The following XPR1 variants were observed in gnomAD, a reference collection of about 807,000 sequenced individuals.
XPR1 encodes xenotropic and polytropic retrovirus receptor 1.
Under a neutral mutation model 87.5 loss-of-function variants are expected in XPR1, and 28 were observed. The observed-to-expected ratio is 0.32, with a 90% confidence interval of 0.24 to 0.44. XPR1 has a LOEUF of 0.44. XPR1 is among the 20% of genes least tolerant of loss of function. The probability of loss-of-function intolerance (pLI) is 1.00; values close to 1 mark genes in which losing one functional copy is unlikely to be tolerated. For synonymous variants in XPR1, 300 were observed against 306.1 expected (o/e 0.98, Z 0.21); for missense variants, 559 against 862.3 (o/e 0.65, Z 4.41).
In XPR1 at chr1:180,656,513, TATATAATATTTATATA is replaced by T. The variant is rs1162913440; in HGVS notation, c.69+24244_69+24259del. ...ATTTATATATTATATATAATATTTA[TATATAATATTTATATA>T]TTATATATAATATTTATATATTTAT... is the stretch of plus-strand genomic sequence containing the variant. On this transcript the variant is annotated intron_variant, in intron 1 of 14. Transcript: ENST00000367590. 4.4e-3 allele frequency among the ~76,000 whole-genome samples: 377 copies of T among 85,902 alleles called. 38 individuals carry two copies. The highest frequency in any genetic ancestry group is 0.019 in the African/African-American group (368 of 19,480). The allele number at this position is 85,902 out of a possible 152,430, so 56.4% of individuals were successfully genotyped here.
Position 180,880,109 on chromosome 1 carries a change from T to C in XPR1, c.1842T>C (p.Asn614=). Residue 614 remains asparagine, a synonymous_variant, in exon 14 of 15, where the codon AAT becomes AAC. Coordinates refer to ENST00000367590, the MANE Select transcript of XPR1 (RefSeq NM_004736.4). ...RFVWNFFRLE[N]EHLNNCGEFR... is the part of the protein sequence containing the mutation. ...TGTGGAACTTCTTCCGCCTGGAGAA[T>C]GAACATCTGAATAACTGTGGTGAAT... The C allele has an allele frequency of 6.2e-7, 1 of 1,614,196 alleles. No homozygotes were observed.
chr1:180,754,752 G>A (rs1456091670), intron 2 of XPR1, among the ~76,000 whole-genome samples: 2 of 152,034 alleles, frequency 1.3e-5, no homozygotes, highest in Admixed American at 6.6e-5. Flanking sequence ...GTGAGCCATC[G>A]GGCCCGGCCT....
intron 2 of XPR1, among the ~76,000 whole-genome samples, chr1:180,758,090 CAT>C (rs1647827266): frequency 7.0e-6 from 1 of 143,082 alleles, no homozygotes; most frequent in African/African-American, 2.6e-5. Flanking sequence ...TATATGTATA[CAT>C]ATATATGAAC....
At chr1:180,691,111 C>G (rs963125667) in intron 2 of XPR1, among the ~76,000 whole-genome samples, 1 of 152,006 alleles carries the variant, frequency 6.6e-6, no homozygotes, top group Non-Finnish European at 1.5e-5. Context: ...GCAGATGATA[C>G]AAGATTATAA....
intron 2 of XPR1, among the ~76,000 whole-genome samples, chr1:180,696,892 A>G (rs1408115453): frequency 1.3e-5 from 2 of 152,104 alleles, no homozygotes; most frequent in Non-Finnish European, 1.5e-5. Context: ...GTTTGTTAAT[A>G]TTTTGTTGAG....
At chr1:180,693,004 T>C (rs566225229) in intron 2 of XPR1, among the ~76,000 whole-genome samples, 4 of 152,306 alleles carry the variant, frequency 2.6e-5, no homozygotes, top group African/African-American at 9.6e-5. Context: ...CACAGTGTCA[T>C]TTCCTTTTTA....
At chr1:180,798,681 T>C (rs577636768) in intron 3 of XPR1, among the ~76,000 whole-genome samples, 1 of 152,218 alleles carries the variant, frequency 6.6e-6, no homozygotes, top group African/African-American at 2.4e-5. Context: ...TGGCACAATC[T>C]CGGCTCACTG....
intron 2 of XPR1, among the ~76,000 whole-genome samples, chr1:180,757,506 CTTTTTTT>C (rs35380232): frequency 7.4e-6 from 1 of 134,492 alleles, no homozygotes; most frequent in African/African-American, 2.7e-5. Flanking sequence ...GTTACTAGGC[CTTTTTTT>C]TTTTTTTTTT....
intron 3 of XPR1, among the ~76,000 whole-genome samples, chr1:180,794,379 G>A (rs1425313297): frequency 6.6e-6 from 1 of 152,102 alleles, no homozygotes; most frequent in Non-Finnish European, 1.5e-5. Flanking sequence ...GTTGTTCTGT[G>A]GCACTACGAC....
At chr1:180,787,408 T>C (rs1254067264) in intron 2 of XPR1, among the ~76,000 whole-genome samples, 1 of 151,556 alleles carries the variant, frequency 6.6e-6, no homozygotes, top group Non-Finnish European at 1.5e-5. Context: ...GCCTCCAGAG[T>C]AGGTGGGATT....
intron 13 of XPR1, among the ~76,000 whole-genome samples, chr1:180,878,870 T>A (rs1420908376): frequency 1.3e-5 from 2 of 152,224 alleles, no homozygotes; most frequent in Non-Finnish European, 2.9e-5. Context: ...CTTTTAAGTG[T>A]TAGAGTGTTC....
At chr1:180,861,336 C>T (rs1652214413) in intron 11 of XPR1, among the ~76,000 whole-genome samples, 1 of 151,844 alleles carries the variant, frequency 6.6e-6, no homozygotes, top group Admixed American at 6.6e-5. Flanking sequence ...GTGAATTTTA[C>T]TAAGTTGCCA....
intron 2 of XPR1, among the ~76,000 whole-genome samples, chr1:180,698,517 G>A (rs1387243132): frequency 6.6e-6 from 1 of 150,712 alleles, no homozygotes; most frequent in African/African-American, 2.5e-5. Flanking sequence ...TTCTGTTCTT[G>A]TTTATCATGT....
At chr1:180,680,424 G>A (rs1273297768) in intron 1 of XPR1, among the ~76,000 whole-genome samples, 1 of 135,728 alleles carries the variant, frequency 7.4e-6, no homozygotes, top group Non-Finnish European at 1.5e-5. Flanking sequence ...GGGATGCAGT[G>A]GTGCGATCTT....
chr1:180,653,827 C>T (rs1468114948), intron 1 of XPR1, among the ~76,000 whole-genome samples: 1 of 152,076 alleles, frequency 6.6e-6, no homozygotes, highest in African/African-American at 2.4e-5. Flanking sequence ...ACTGCATTGA[C>T]TACTAAGTGA....
chr1:180,815,847 G>A (rs1235704492), intron 7 of XPR1, among the ~76,000 whole-genome samples: 1 of 152,018 alleles, frequency 6.6e-6, no homozygotes, highest in Admixed American at 6.5e-5. Context: ...AGGATAATTT[G>A]GCAGTGTGTG....
chr1:180,677,257 A>C (rs545072838), intron 1 of XPR1, among the ~76,000 whole-genome samples: 1 of 152,346 alleles, frequency 6.6e-6, no homozygotes, highest in East Asian at 1.9e-4. Context: ...TTAAGACAGG[A>C]AAATTGCAAT....
chr1:180,678,438 A>G (rs1165212145), intron 1 of XPR1, among the ~76,000 whole-genome samples: 1 of 152,198 alleles, frequency 6.6e-6, no homozygotes, highest in African/African-American at 2.4e-5. Context: ...TACATTCCAA[A>G]GGTTTTTGGA....
At chr1:180,803,021 A>G (rs1043838764) in intron 3 of XPR1, among the ~76,000 whole-genome samples, 1 of 152,116 alleles carries the variant, frequency 6.6e-6, no homozygotes, top group African/African-American at 2.4e-5. Context: ...CTGTGAGCAT[A>G]TGTTTTCAGC....
Sources: gnomAD v4.1 joint callset for allele counts (sites outside exome capture counted in the v4.1 genomes callset) on GRCh38, gnomAD v4.1.1 for gene constraint, MANE v1.5 for transcripts, NCBI Gene and HGNC (gene_info 2026-07-23, HGNC 2026-07-21) for gene names.